Variants in LDAH observed in about 807,000 individuals in gnomAD.
LDAH encodes the protein lipid droplet-associated hydrolase.
In LDAH, 26 loss-of-function variants were observed where a neutral mutation model predicts 29.6. The observed-to-expected ratio is 0.88, with a 90% CI of 0.64 to 1.22. The LOEUF is 1.22. Among genes scored for constraint, LDAH ranks in the 50% most tolerant of loss-of-function variants. The pLI, the probability that LDAH is intolerant of heterozygous loss-of-function variation, is 0.00. For synonymous variants in LDAH, 117 were observed against 133.0 expected (o/e 0.88, Z 0.83); for missense variants, 344 against 387.3 (o/e 0.89, Z 0.94).
intron 3 of LDAH, among the ~76,000 whole-genome samples, chr2:20,777,471 C>A (rs1669897429): frequency 6.6e-6 from 1 of 152,112 alleles, no homozygotes; most frequent in South Asian, 2.1e-4. Flanking sequence ...GTCGCCCAGG[C>A]TGGAATGCAG....
At chr2:20,756,814 T>C (rs1668375929) in intron 4 of LDAH, among the ~76,000 whole-genome samples, 1 of 152,230 alleles carries the variant, frequency 6.6e-6, no homozygotes, top group Admixed American at 6.5e-5. Context: ...TGCCAGTTTC[T>C]GGATTAAAAA....
rs1264783785 is a variant in LDAH, at chr2:20,740,090, T to C, written c.584A>G (p.Tyr195Cys). 1 of 1,613,988 alleles carries C rather than the reference T, an allele frequency of 6.2e-7. No individual in the cohort carries two copies. The highest frequency in any genetic ancestry group is 8.5e-7 in the Non-Finnish European group (1 of 1,179,960). ...CTCAGGACACGGTTTCAATAATAAG[T>C]AGCCAGTAACATAGAGAACATATCG... ...WFRYVLYVTG[Y>C]LLLKPCPETI... The change falls in exon 5 of 7, where the codon TAC becomes TGC. Residue 195 changes from tyrosine (Y) to cysteine (C), a missense_variant. Coordinates refer to ENST00000237822, the MANE Select transcript of LDAH (RefSeq NM_021925.4).
chr2:20,750,022 A>G (rs1572542054), intron 4 of LDAH, among the ~76,000 whole-genome samples: 1 of 110,078 alleles, frequency 9.1e-6, no homozygotes, highest in South Asian at 3.5e-4. Flanking sequence ...GCCTTACTAA[A>G]CTTTTTTTTT....
At chr2:20,772,732 G>A (rs1669516781) in intron 4 of LDAH, among the ~76,000 whole-genome samples, 1 of 152,146 alleles carries the variant, frequency 6.6e-6, no homozygotes, top group Non-Finnish European at 1.5e-5. Flanking sequence ...TCTTCTTCCA[G>A]GTGTGCTCTA....
At chr2:20,769,889 T>C (rs552039994) in intron 4 of LDAH, among the ~76,000 whole-genome samples, 8 of 152,194 alleles carry the variant, frequency 5.3e-5, no homozygotes, top group East Asian at 1.9e-4. Flanking sequence ...CACAGCAAAT[T>C]AGTAGCAATA....
chr2:20,710,621 GA>G (rs1664661249), intron 5 of LDAH, among the ~76,000 whole-genome samples: 1 of 125,498 alleles, frequency 8.0e-6, no homozygotes, highest in South Asian at 2.6e-4. Context: ...TATATATATA[GA>G]TATATATATA....
At chr2:20,765,709 G>A (rs914893454) in intron 4 of LDAH, among the ~76,000 whole-genome samples, 8 of 152,096 alleles carry the variant, frequency 5.3e-5, no homozygotes, top group Non-Finnish European at 1.2e-4. Flanking sequence ...CTCAGGCCTG[G>A]TGCCTCATGA....
At chr2:20,768,746 C>T (rs111535500) in intron 4 of LDAH, among the ~76,000 whole-genome samples, 31 of 152,294 alleles carry the variant, frequency 2.0e-4, no homozygotes, top group African/African-American at 5.8e-4. Context: ...GAAATCATTC[C>T]GCTGATACAC....
At chr2:20,714,608 A>C (rs917948740) in intron 5 of LDAH, among the ~76,000 whole-genome samples, 3 of 152,186 alleles carry the variant, frequency 2.0e-5, no homozygotes, top group African/African-American at 7.2e-5. Context: ...TTTTTTGAAA[A>C]GATCAGCAAA....
intron 4 of LDAH, among the ~76,000 whole-genome samples, chr2:20,757,228 AAG>A (rs1214032849): frequency 5.9e-5 from 9 of 152,226 alleles, no homozygotes; most frequent in Non-Finnish European, 1.3e-4. Context: ...CAAGAAGCTG[AAG>A]AGAGTTTCTG....
Position 20,720,653 on chromosome 2 carries a change from G to A in LDAH, c.704-19001C>T, listed in dbSNP as rs111394215. On this transcript the variant is annotated intron_variant, in intron 5 of 6. Coordinates refer to ENST00000237822, the MANE Select transcript of LDAH (RefSeq NM_021925.4). ...TTTGTATGGAATCCCAAAAGACGCC[G>A]AATTGCTAAGGAATCCTAAGGAAAG... is the stretch of plus-strand genomic sequence containing the variant. Among the ~76,000 whole-genome samples the A allele has an allele frequency of 1.3e-3, 205 of 151,904 alleles. 1 individual carries two copies. Among genetic ancestry groups the A allele is most frequent in the African/African-American group, 4.4e-3 (181 of 41,476 alleles).
intron 4 of LDAH, among the ~76,000 whole-genome samples, chr2:20,740,406 G>A (rs1287002499): frequency 6.6e-6 from 1 of 152,110 alleles, no homozygotes; most frequent in Non-Finnish European, 1.5e-5. Flanking sequence ...CATCCTGAGT[G>A]CAAGTGATCC....
chr2:20,742,386 T>C (rs542339540), intron 4 of LDAH, among the ~76,000 whole-genome samples: 24 of 152,330 alleles, frequency 1.6e-4, no homozygotes, highest in African/African-American at 4.8e-4. Flanking sequence ...CCATTTCTGA[T>C]AAAGGGGTGT....
chr2:20,761,548 T>C (rs1668691735), intron 4 of LDAH, among the ~76,000 whole-genome samples: 1 of 152,218 alleles, frequency 6.6e-6, no homozygotes, highest in South Asian at 2.1e-4. Flanking sequence ...CTTTTGTCTA[T>C]TTATAAACTA....
Position 20,801,327 on chromosome 2 carries a change from A to T in LDAH, c.137T>A (p.Leu46His), listed in dbSNP as rs1203444210. The stretch of plus-strand genomic sequence containing the variant: ...ACGCTCACCAGGAATAATGAAAATA[A>T]GCAGCTTAGGCCTTTTGACACTTTG... ...HDQSVKRPKL[L>H]IFIIPGNPGF... The change falls in exon 2 of 7, where the codon CTT (leucine) becomes CAT (histidine). Residue 46 changes from leucine to histidine, a missense_variant. Leu to His is a moderately conservative substitution (Grantham distance 99). Transcript: ENST00000237822. 1.2e-6 allele frequency: 2 copies of T among 1,613,682 alleles called. No individual in the cohort carries two copies. The highest frequency in any genetic ancestry group is 1.7e-6 in the Non-Finnish European group (2 of 1,179,918).
At chr2:20,710,492 C>T (rs191014156) in intron 5 of LDAH, among the ~76,000 whole-genome samples, 1 of 150,964 alleles carries the variant, frequency 6.6e-6, no homozygotes, top group Non-Finnish European at 1.5e-5. Context: ...TTAGTCAATT[C>T]AATGAACAAT....
intron 5 of LDAH, among the ~76,000 whole-genome samples, chr2:20,716,622 A>G (rs1488624655): frequency 4.6e-5 from 7 of 151,672 alleles, no homozygotes; most frequent in East Asian, 1.9e-4. Flanking sequence ...GAAATTCCCA[A>G]TGTAAATGAT....
At chr2:20,748,440 T>C (rs981506306) in intron 4 of LDAH, among the ~76,000 whole-genome samples, 1 of 152,242 alleles carries the variant, frequency 6.6e-6, no homozygotes, top group African/African-American at 2.4e-5. Flanking sequence ...AGCCCATTCT[T>C]CTCAAGCTTT....
chr2:20,759,846 G>C (rs1558450802), intron 4 of LDAH, among the ~76,000 whole-genome samples: 1 of 152,122 alleles, frequency 6.6e-6, no homozygotes, highest in Non-Finnish European at 1.5e-5. Context: ...CCACACAAAT[G>C]CAAGGGAATT....
Sources: allele counts gnomAD v4.1 joint callset (sites outside exome capture counted in the v4.1 genomes callset), GRCh38; gene constraint gnomAD v4.1.1; transcripts MANE v1.5; gene names NCBI Gene and HGNC (gene_info 2026-07-23, HGNC 2026-07-21).